The following RUNX2 variants were observed in gnomAD, a reference collection of about 807,000 sequenced individuals.
The protein encoded by RUNX2 is runt-related transcription factor 2.
Under a neutral mutation model 51.7 loss-of-function variants are expected in RUNX2, and 10 were observed. That is an observed-to-expected ratio of 0.19 (90% CI 0.12 to 0.33). The LOEUF (loss-of-function observed/expected upper bound fraction) is 0.33. Ranked by LOEUF, RUNX2 falls within the 10% of genes least tolerant of loss-of-function variation. The probability of loss-of-function intolerance (pLI) is 1.00; values close to 1 mark genes in which losing one functional copy is unlikely to be tolerated. For synonymous variants in RUNX2, 276 were observed against 273.6 expected (o/e 1.01, Z -0.09); for missense variants, 562 against 691.3 (o/e 0.81, Z 2.10).
intron 2 of RUNX2, among the ~76,000 whole-genome samples, chr6:45,357,198 G>A (rs977588221): frequency 3.3e-5 from 5 of 151,882 alleles, no homozygotes; most frequent in Non-Finnish European, 7.4e-5. Context: ...TAGTAGAGAC[G>A]GGGTTTCACC....
intron 2 of RUNX2, among the ~76,000 whole-genome samples, chr6:45,358,458 T>C (rs1307211309): frequency 3.3e-5 from 5 of 152,216 alleles, no homozygotes; most frequent in Admixed American, 6.5e-5. Context: ...TTCTTCTCTA[T>C]AATTATGAAA....
chr6:45,434,124 A>G (rs1429036399), intron 4 of RUNX2, among the ~76,000 whole-genome samples: 2 of 152,200 alleles, frequency 1.3e-5, no homozygotes, highest in Non-Finnish European at 2.9e-5. Flanking sequence ...TTAACATTGT[A>G]TGAAAGGAAA....
At chr6:45,353,821 C>T (rs993807159) in intron 2 of RUNX2, among the ~76,000 whole-genome samples, 4 of 149,178 alleles carry the variant, frequency 2.7e-5, no homozygotes, top group Admixed American at 1.3e-4. Context: ...AAGGCAACCA[C>T]GAGATTTAGG....
At position 45,547,447 on chromosome 6, in the gene RUNX2, T is replaced by G; in HGVS notation, c.*142T>G. On this transcript the variant is annotated 3_prime_UTR_variant, in exon 9 of 9. Coordinates refer to ENST00000647337, the MANE Select transcript of RUNX2 (RefSeq NM_001024630.4). ...ATTTTTTAGAAGATTTTTCATTCAC[T>G]CACTCAGTCATGATCTTGCAGCCAT... 1 of 728,856 alleles carries G rather than the reference T, an allele frequency of 1.4e-6. No homozygotes were observed. The highest frequency in any genetic ancestry group is 2.4e-6 in the Non-Finnish European group (1 of 418,282). 45.1% of individuals were successfully genotyped at this position (728,856 alleles called of 1,614,324 possible).
intron 7 of RUNX2, among the ~76,000 whole-genome samples, chr6:45,544,179 G>T (rs1043939063): frequency 1.3e-5 from 2 of 152,078 alleles, no homozygotes; most frequent in Non-Finnish European, 2.9e-5. Flanking sequence ...ATGCCTAGAA[G>T]TGATTGGTTA....
intron 4 of RUNX2, among the ~76,000 whole-genome samples, chr6:45,434,112 C>A (rs1398760822): frequency 6.6e-6 from 1 of 151,954 alleles, no homozygotes; most frequent in South Asian, 2.1e-4. Context: ...TATATCACTG[C>A]ATTAACATTG....
intron 2 of RUNX2, among the ~76,000 whole-genome samples, chr6:45,410,961 C>T (rs1214489817): frequency 6.6e-6 from 1 of 152,170 alleles, no homozygotes; most frequent in Non-Finnish European, 1.5e-5. Flanking sequence ...GCACTTCCCA[C>T]TTTTCAGTCT....
intron 2 of RUNX2, among the ~76,000 whole-genome samples, chr6:45,398,939 A>G (rs558625938): frequency 2.0e-5 from 3 of 152,302 alleles, no homozygotes; most frequent in East Asian, 1.9e-4. Flanking sequence ...TATAATATCT[A>G]TGTAACTCTT....
chr6:45,495,132 A>G (rs1800609700), intron 6 of RUNX2, among the ~76,000 whole-genome samples: 1 of 152,204 alleles, frequency 6.6e-6, no homozygotes. Flanking sequence ...TCTAAGCTTT[A>G]GTTAAGATTG....
At chr6:45,330,045 C>T (rs937620135) in intron 2 of RUNX2, among the ~76,000 whole-genome samples, 1 of 151,512 alleles carries the variant, frequency 6.6e-6, no homozygotes, top group African/African-American at 2.4e-5. Flanking sequence ...TTAGGTCAAA[C>T]AGAAATAATT....
intron 6 of RUNX2, among the ~76,000 whole-genome samples, chr6:45,501,574 C>A (rs1391551205): frequency 6.6e-6 from 1 of 152,212 alleles, no homozygotes; most frequent in Non-Finnish European, 1.5e-5. Flanking sequence ...CACCATATAA[C>A]TCTGTCTAAA....
intron 5 of RUNX2, among the ~76,000 whole-genome samples, chr6:45,471,368 T>C (rs944127961): frequency 6.6e-6 from 1 of 151,760 alleles, no homozygotes; most frequent in Non-Finnish European, 1.5e-5. Context: ...AAAAGCAGGG[T>C]GTTTTGTGCA....
At chr6:45,346,443 T>C (rs965684490) in intron 2 of RUNX2, among the ~76,000 whole-genome samples, 6 of 152,048 alleles carry the variant, frequency 3.9e-5, no homozygotes, top group African/African-American at 1.4e-4. Context: ...TACAATACAG[T>C]ACACTAAACT....
At chr6:45,374,709 A>G (rs925134200) in intron 2 of RUNX2, among the ~76,000 whole-genome samples, 3 of 152,202 alleles carry the variant, frequency 2.0e-5, no homozygotes, top group African/African-American at 7.2e-5. Flanking sequence ...ACCTGATTTG[A>G]CTGACATAGA....
intron 2 of RUNX2, among the ~76,000 whole-genome samples, chr6:45,366,143 TA>T (rs1410628286): frequency 1.3e-5 from 2 of 152,228 alleles, no homozygotes; most frequent in African/African-American, 4.8e-5. Flanking sequence ...TATGCTTGCA[TA>T]AACTTTGCAA....
chr6:45,394,954 G>A (rs1216708953), intron 2 of RUNX2, among the ~76,000 whole-genome samples: 1 of 152,130 alleles, frequency 6.6e-6, no homozygotes, highest in Admixed American at 6.5e-5. Flanking sequence ...AGGAATGGGT[G>A]TGTGTGGGGG....
intron 5 of RUNX2, among the ~76,000 whole-genome samples, chr6:45,445,152 G>A (rs950820874): frequency 6.6e-6 from 1 of 152,100 alleles, no homozygotes; most frequent in Non-Finnish European, 1.5e-5. Flanking sequence ...AGCCTCCTGA[G>A]TAGCTGGGAT....
intron 5 of RUNX2, among the ~76,000 whole-genome samples, chr6:45,456,512 C>T (rs892216169): frequency 3.3e-5 from 5 of 152,140 alleles, no homozygotes; most frequent in African/African-American, 9.7e-5. Flanking sequence ...TGCTTTTCTT[C>T]TTGTCTCTTT....
chr6:45,544,151 C>T (rs1178998454), intron 7 of RUNX2, among the ~76,000 whole-genome samples: 1 of 152,002 alleles, frequency 6.6e-6, no homozygotes, highest in Non-Finnish European at 1.5e-5. Context: ...AGTCCATTCT[C>T]AAGACATTAA....
Sources: allele counts gnomAD v4.1 joint callset (sites outside exome capture counted in the v4.1 genomes callset), GRCh38; gene constraint gnomAD v4.1.1; transcripts MANE v1.5; gene names NCBI Gene and HGNC (gene_info 2026-07-23, HGNC 2026-07-21).